The following ARRB1 variants were observed in gnomAD, a reference collection of about 807,000 sequenced individuals.
The protein encoded by ARRB1 is beta-arrestin-1.
A neutral mutation model predicts 56.8 loss-of-function variants in ARRB1; 21 were observed. The observed-to-expected ratio is 0.37, with a 90% CI of 0.26 to 0.53. The LOEUF is 0.53. Among genes scored for constraint, ARRB1 ranks in the 20% least tolerant of loss-of-function variants. The pLI is 0.88. For missense variants in ARRB1, 424 were observed against 553.7 expected (o/e 0.77, Z 2.35); for synonymous variants, 210 against 218.6 (o/e 0.96, Z 0.35).
At chr11:75,315,559 T>A (rs913978855) in intron 1 of ARRB1, among the ~76,000 whole-genome samples, 2 of 152,236 alleles carry the variant, frequency 1.3e-5, no homozygotes, top group Non-Finnish European at 2.9e-5. Flanking sequence ...CTCCCCTCTG[T>A]GAGTAATACT....
chr11:75,286,123 TG>T (rs1452611386), intron 3 of ARRB1, among the ~76,000 whole-genome samples: 1 of 152,048 alleles, frequency 6.6e-6, no homozygotes, highest in Non-Finnish European at 1.5e-5. Context: ...TTCCTCCTGG[TG>T]AGCTGAAGCC....
chr11:75,340,276 G>T (rs1191843419), intron 1 of ARRB1, among the ~76,000 whole-genome samples: 2 of 152,248 alleles, frequency 1.3e-5, no homozygotes, highest in African/African-American at 2.4e-5. Flanking sequence ...GAGAGTTGGA[G>T]GGGACAATGC....
At chr11:75,269,368 C>T (rs944504474) in intron 13 of ARRB1, among the ~76,000 whole-genome samples, 1 of 152,126 alleles carries the variant, frequency 6.6e-6, no homozygotes, top group Non-Finnish European at 1.5e-5. Context: ...ACTTCCAGGT[C>T]GGAGCTCCTC....
Position 75,284,151 on chromosome 11 carries a change from GA to G in ARRB1, c.157+83del, listed in dbSNP as rs923518935. 12 of 1,378,880 alleles carry G rather than the reference GA, an allele frequency of 8.7e-6. No individual in the cohort carries two copies. The African/African-American group carries it at 1.1e-4, about 13-fold the overall frequency. The allele number at this position is 1,378,880 out of a possible 1,614,324, so 85.4% of individuals were successfully genotyped here. On this transcript the variant is annotated intron_variant, in intron 4 of 15. Coordinates refer to ENST00000420843, the MANE Select transcript of ARRB1 (RefSeq NM_004041.5). ...TGGGGCTTTCAGGGGAACCAGTGGGGATGGGCAGGGAGTTCCTATGCTAGAG... is the reference window on the plus strand; with the variant it reads ...TGGGGCTTTCAGGGGAACCAGTGGGGTGGGCAGGGAGTTCCTATGCTAGAG...
intron 1 of ARRB1, among the ~76,000 whole-genome samples, chr11:75,321,760 T>C (rs1300387620): frequency 1.3e-5 from 2 of 152,170 alleles, no homozygotes; most frequent in Non-Finnish European, 2.9e-5. Context: ...CACCTAGTAA[T>C]ACACATTAGA....
chr11:75,342,841 T>G (rs1304616865), intron 1 of ARRB1, among the ~76,000 whole-genome samples: 1 of 152,142 alleles, frequency 6.6e-6, no homozygotes, highest in African/African-American at 2.4e-5. Context: ...CCAATCCCCT[T>G]CCCAGAGAGC....
chr11:75,334,729 C>A, intron 1 of ARRB1, among the ~76,000 whole-genome samples: 1 of 152,314 alleles, frequency 6.6e-6, no homozygotes, highest in South Asian at 2.1e-4. Flanking sequence ...GTTCAGCCTG[C>A]CCCAGAACTG....
intron 4 of ARRB1, 47 bp from the exon 5 acceptor site, chr11:75,283,530 G>A: frequency 6.5e-7 from 1 of 1,530,054 alleles, no homozygotes. Context: ...AGAGCAGCAA[G>A]CGAGCCCCCC....
intron 1 of ARRB1, chr11:75,306,796 G>A (rs563970062): frequency 1.6e-4 from 100 of 637,964 alleles, no homozygotes; most frequent in Middle Eastern, 6.5e-4. Context: ...CGGGCTTCTC[G>A]GGCCATGGAG....
chr11:75,271,671 G>T, intron 13 of ARRB1, 30 bp downstream of exon 13: 1 of 1,556,618 alleles, frequency 6.4e-7, no homozygotes, highest in East Asian at 2.4e-5. Flanking sequence ...CCAGGAAGGT[G>T]GGTGAACCAG....
At chr11:75,296,477 A>G (rs1449222536) in intron 1 of ARRB1, among the ~76,000 whole-genome samples, 1 of 151,882 alleles carries the variant, frequency 6.6e-6, no homozygotes, top group African/African-American at 2.4e-5. Context: ...CTCATTCCCC[A>G]CCTGCAGCAT....
intron 1 of ARRB1, among the ~76,000 whole-genome samples, chr11:75,290,987 G>A (rs1946600490): frequency 6.6e-6 from 1 of 152,176 alleles, no homozygotes; most frequent in African/African-American, 2.4e-5. Flanking sequence ...CACGAGGGCA[G>A]GGATCTTTGT....
At chr11:75,289,254 C>G (rs1019229549) in intron 2 of ARRB1, among the ~76,000 whole-genome samples, 1 of 152,222 alleles carries the variant, frequency 6.6e-6, no homozygotes, top group African/African-American at 2.4e-5. Flanking sequence ...CTGAACTCAG[C>G]TGCTTAAGAT....
Position 75,299,007 on chromosome 11 carries a change from A to T in ARRB1, c.21-8968T>A, listed in dbSNP as rs184484827. Reference sequence around the variant, plus strand: ...TATTATATGATTCCACTTGCATTAAATGTTCAGAGTAGGCAAATTGATAGA... The same window carrying T: ...TATTATATGATTCCACTTGCATTAATTGTTCAGAGTAGGCAAATTGATAGA... On this transcript the variant is annotated intron_variant, in intron 1 of 15. Transcript: ENST00000420843. 1.1e-3 allele frequency among the ~76,000 whole-genome samples: 173 copies of T among 152,098 alleles called. 1 individual carries two copies. Among genetic ancestry groups the T allele is most frequent in the East Asian group, 1.2e-3 (6 of 5,168 alleles).
chr11:75,279,285 G>A (rs1309842164), intron 7 of ARRB1, among the ~76,000 whole-genome samples: 1 of 152,204 alleles, frequency 6.6e-6, no homozygotes, highest in Non-Finnish European at 1.5e-5. Flanking sequence ...ATGGGGCTTG[G>A]GGAGGCGTTG....
At chr11:75,276,794 C>T in intron 10 of ARRB1, 45 bp downstream of exon 10, 1 of 1,596,548 alleles carries the variant, frequency 6.3e-7, no homozygotes, top group Non-Finnish European at 8.6e-7. Context: ...TTCTCTTTTT[C>T]CCACCCAATC....
chr11:75,330,117 A>G (rs1031430149), intron 1 of ARRB1, among the ~76,000 whole-genome samples: 4 of 152,160 alleles, frequency 2.6e-5, no homozygotes, highest in African/African-American at 9.7e-5. Flanking sequence ...CTCATTTCCC[A>G]ACTTCTAGCC....
intron 1 of ARRB1, chr11:75,312,258 G>T: frequency 1.2e-6 from 1 of 814,274 alleles, no homozygotes; most frequent in Non-Finnish European, 1.8e-6. Context: ...CCTGCCCCTG[G>T]GAAGGAGTGG....
intron 1 of ARRB1, chr11:75,303,747 C>T (rs569595123): frequency 7.5e-5 from 34 of 453,282 alleles, no homozygotes; most frequent in East Asian, 2.8e-4. Flanking sequence ...TGCCCAGTTC[C>T]GTTCCAGGCA....
Sources: allele counts gnomAD v4.1 joint callset (sites outside exome capture counted in the v4.1 genomes callset), GRCh38; gene constraint gnomAD v4.1.1; transcripts MANE v1.5; gene names NCBI Gene and HGNC (gene_info 2026-07-23, HGNC 2026-07-21).